Variants in ADAM22 observed in about 807,000 individuals in gnomAD.
ADAM22 encodes the protein disintegrin and metalloproteinase domain-containing protein 22.
A neutral mutation model predicts 144.6 loss-of-function variants in ADAM22; 65 were observed. That is an observed-to-expected ratio of 0.45 (90% confidence interval 0.37 to 0.55). ADAM22 has a LOEUF of 0.55. Among genes scored for constraint, ADAM22 ranks in the 20% least tolerant of loss-of-function variants. The probability of loss-of-function intolerance (pLI) is 0.00; values close to 1 mark genes in which losing one functional copy is unlikely to be tolerated. For synonymous variants in ADAM22, 391 were observed against 412.6 expected (o/e 0.95, Z 0.63); for missense variants, 974 against 1,184.9 (o/e 0.82, Z 2.61).
At chr7:88,189,103 T>C (rs759035800) in intron 30 of ADAM22, among the ~76,000 whole-genome samples, 1 of 152,168 alleles carries the variant, frequency 6.6e-6, no homozygotes, top group East Asian at 1.9e-4. Flanking sequence ...TAAATAGATA[T>C]CAAGTGATCA....
chr7:88,096,057 G>A (rs1821203308), intron 4 of ADAM22, among the ~76,000 whole-genome samples: 2 of 151,706 alleles, frequency 1.3e-5, no homozygotes, highest in Admixed American at 1.3e-4. Flanking sequence ...GAGTAGCTGG[G>A]ACTATAGGCA....
chr7:88,090,473 C>T (rs955944772), intron 4 of ADAM22, among the ~76,000 whole-genome samples: 1 of 152,168 alleles, frequency 6.6e-6, no homozygotes, highest in Non-Finnish European at 1.5e-5. Context: ...CTCTGAAAAA[C>T]AGTTTGGCCA....
chr7:88,119,759 G>A (rs1389977730), intron 7 of ADAM22, among the ~76,000 whole-genome samples: 1 of 152,160 alleles, frequency 6.6e-6, no homozygotes, highest in Non-Finnish European at 1.5e-5. Flanking sequence ...AGAGTGCTGG[G>A]ATTACTGGCA....
At chr7:88,191,727 G>A (rs568041135) in intron 30 of ADAM22, among the ~76,000 whole-genome samples, 29 of 152,312 alleles carry the variant, frequency 1.9e-4, no homozygotes, top group African/African-American at 7.0e-4. Context: ...GCAATGAAGA[G>A]CATTAACATA....
intron 2 of ADAM22, among the ~76,000 whole-genome samples, chr7:87,941,918 G>A (rs1383137206): frequency 6.6e-6 from 1 of 152,160 alleles, no homozygotes; most frequent in African/African-American, 2.4e-5. Context: ...AGAATGCCAA[G>A]AGTTCTCCTG....
Position 88,080,801 on chromosome 7 carries a change from G to T in ADAM22, c.390+5109G>T, listed in dbSNP as rs564350253. Among the ~76,000 whole-genome samples, 8 of 152,306 alleles carry T rather than the reference G, an allele frequency of 5.3e-5. No homozygotes were observed. The East Asian group carries it at 1.5e-3, about 29-fold the overall frequency. On this transcript the variant is annotated intron_variant, in intron 4 of 31. Transcript: ENST00000413139. The stretch of plus-strand genomic sequence containing the variant: ...CACTCTCCCAAGACTAAACCAGGAA[G>T]AAGTTGAATCTCTGAATAGACCAAT...
intron 3 of ADAM22, among the ~76,000 whole-genome samples, chr7:88,065,788 A>T (rs528175902): frequency 1.3e-5 from 2 of 152,130 alleles, no homozygotes; most frequent in Non-Finnish European, 2.9e-5. Context: ...CTACACATCT[A>T]TTTTAAAATT....
intron 3 of ADAM22, among the ~76,000 whole-genome samples, chr7:88,043,133 C>A (rs916587028): frequency 6.6e-6 from 1 of 151,786 alleles, no homozygotes. Context: ...ACATAGATCT[C>A]AGGGAAGTGA....
chr7:88,045,890 G>T (rs374313850), intron 3 of ADAM22, among the ~76,000 whole-genome samples: 1 of 60,572 alleles, frequency 1.7e-5, no homozygotes. Flanking sequence ...GTATTCTATT[G>T]TGTGTGTGTG....
At chr7:87,950,545 A>G (rs1286463662) in intron 2 of ADAM22, among the ~76,000 whole-genome samples, 7 of 149,672 alleles carry the variant, frequency 4.7e-5, no homozygotes, top group Non-Finnish European at 8.9e-5. Context: ...TCATTGTTGG[A>G]CATTTGGGTT....
At position 88,135,966 on chromosome 7, in the gene ADAM22, T is replaced by C; in HGVS notation, c.1169-14T>C. On this transcript the variant is annotated splice_polypyrimidine_tract_variant and intron_variant, in intron 13 of 31. Coordinates refer to ENST00000413139, the MANE Select transcript of ADAM22 (RefSeq NM_001324418.2). Reference sequence around the variant, plus strand: ...TCACTTTATAACAAGGCATGTGTATTAATTTTCTCTTAGGTGAATGTAAAT... The same window carrying C: ...TCACTTTATAACAAGGCATGTGTATCAATTTTCTCTTAGGTGAATGTAAAT... 1 of 1,606,890 alleles carries C rather than the reference T, an allele frequency of 6.2e-7. No homozygotes were observed. The highest frequency in any genetic ancestry group is 1.3e-5 in the African/African-American group (1 of 74,890).
intron 14 of ADAM22, 101 bp downstream of exon 14, chr7:88,136,132 G>T: frequency 2.0e-6 from 2 of 986,764 alleles, no homozygotes. Flanking sequence ...ATGGAATCTA[G>T]CACTTATAAA....
At chr7:88,007,572 C>T (rs950149773) in intron 3 of ADAM22, among the ~76,000 whole-genome samples, 2 of 152,084 alleles carry the variant, frequency 1.3e-5, no homozygotes, top group Non-Finnish European at 2.9e-5. Flanking sequence ...TGGAACAGAA[C>T]AGAGCCCTCA....
chr7:88,008,793 G>A (rs1450352310), intron 3 of ADAM22, among the ~76,000 whole-genome samples: 2 of 151,852 alleles, frequency 1.3e-5, no homozygotes, highest in Non-Finnish European at 1.5e-5. Flanking sequence ...TATACCTAAT[G>A]CTAAATGACG....
Position 88,198,457 on chromosome 7 carries a change from T to A in ADAM22, c.*1966T>A, listed in dbSNP as rs1179608088. The A allele has an allele frequency of 6.6e-6, 1 of 152,192 alleles. No homozygotes were observed. The highest frequency in any genetic ancestry group is 1.5e-5 in the Non-Finnish European group (1 of 68,038). 9.4% of individuals were successfully genotyped at this position (152,192 alleles called of 1,614,324 possible). ...AGGTTTGGGTGAGTGTTGGGCAGTG[T>A]TGCCACATAGCTCAAGCCAAGAACA... On this transcript the variant is annotated 3_prime_UTR_variant, in exon 32 of 32. Transcript: ENST00000413139.
At chr7:88,184,151 G>T in intron 29 of ADAM22, 1 of 170,962 alleles carries the variant, frequency 5.8e-6, no homozygotes. Context: ...ATAAAGGCAT[G>T]CTCTGCTAAT....
At chr7:87,987,071 G>T (rs906353217) in intron 3 of ADAM22, among the ~76,000 whole-genome samples, 4 of 152,162 alleles carry the variant, frequency 2.6e-5, no homozygotes, top group Non-Finnish European at 1.5e-5. Context: ...AAATGTTTTT[G>T]CATAAATCCC....
Position 88,112,808 on chromosome 7 carries a change from G to A in ADAM22, c.474-1776G>A, listed in dbSNP as rs531253912. On this transcript the variant is annotated intron_variant, in intron 5 of 31. Coordinates refer to ENST00000413139, the MANE Select transcript of ADAM22 (RefSeq NM_001324418.2). ...CTGCAGCCTTGAACTCTTGGGTTCA[G>A]GTGATCCTCCCACCTCAGCCTCCCA... 3.3e-5 allele frequency among the ~76,000 whole-genome samples: 5 copies of A among 152,304 alleles called. No homozygotes were observed. In the South Asian group the frequency reaches 1.0e-3, roughly 32 times the overall value.
At chr7:88,153,801 C>G (rs913542392) in intron 21 of ADAM22, among the ~76,000 whole-genome samples, 1 of 152,198 alleles carries the variant, frequency 6.6e-6, no homozygotes, top group African/African-American at 2.4e-5. Context: ...CACCATTTGT[C>G]TTTAATTCAT....
Sources: allele counts gnomAD v4.1 joint callset (sites outside exome capture counted in the v4.1 genomes callset), GRCh38; gene constraint gnomAD v4.1.1; transcripts MANE v1.5; gene names NCBI Gene and HGNC (gene_info 2026-07-23, HGNC 2026-07-21).